The following ZNRF3 variants were observed in gnomAD, a reference collection of about 807,000 sequenced individuals.
ZNRF3 encodes the protein zinc and ring finger 3.
A neutral mutation model predicts 72.5 loss-of-function variants in ZNRF3; 23 were observed. The observed-to-expected ratio is 0.32, with a 90% confidence interval of 0.23 to 0.45. The LOEUF (loss-of-function observed/expected upper bound fraction) is 0.45. ZNRF3 is among the 20% of genes least tolerant of loss of function. The probability of loss-of-function intolerance (pLI) is 1.00; values close to 1 mark genes in which losing one functional copy is unlikely to be tolerated. For missense variants in ZNRF3, 1,169 were observed against 1,272.1 expected, an observed-to-expected ratio of 0.92 and a Z score of 1.23; for synonymous variants, 610 against 545.3, an observed-to-expected ratio of 1.12 and a Z score of -1.65.
At chr22:28,933,304 T>G (rs2034746195) in intron 1 of ZNRF3, among the ~76,000 whole-genome samples, 1 of 152,222 alleles carries the variant, frequency 6.6e-6, no homozygotes, top group South Asian at 2.1e-4. Flanking sequence ...AATTTAAGTT[T>G]GAGCAATGTG....
chr22:29,036,384 A>G (rs2036868324), intron 2 of ZNRF3, among the ~76,000 whole-genome samples: 1 of 152,200 alleles, frequency 6.6e-6, no homozygotes, highest in Non-Finnish European at 1.5e-5. Flanking sequence ...ACCTTGAAGG[A>G]TTAGTAATGT....
intron 2 of ZNRF3, among the ~76,000 whole-genome samples, chr22:28,998,960 C>CTTGATGCA (rs2036094169): frequency 6.6e-6 from 1 of 152,004 alleles, no homozygotes; most frequent in Non-Finnish European, 1.5e-5. Context: ...CAACAAGGGT[C>CTTGATGCA]ACAAATGAGG....
chr22:28,926,893 G>A (rs936158482), intron 1 of ZNRF3, among the ~76,000 whole-genome samples: 2 of 151,690 alleles, frequency 1.3e-5, no homozygotes, highest in African/African-American at 4.8e-5. Context: ...AGGCTGAGGC[G>A]GGAGGATCAC....
intron 1 of ZNRF3, among the ~76,000 whole-genome samples, chr22:28,934,511 A>G (rs1224968147): frequency 1.3e-5 from 2 of 152,330 alleles, no homozygotes; most frequent in African/African-American, 2.4e-5. Context: ...ATTAAAATCT[A>G]AACAGCGAAA....
At chr22:29,006,893 G>A (rs1385798657) in intron 2 of ZNRF3, among the ~76,000 whole-genome samples, 1 of 152,162 alleles carries the variant, frequency 6.6e-6, no homozygotes, top group African/African-American at 2.4e-5. Flanking sequence ...TCCCAAAGAT[G>A]CTTTTCTGTT....
intron 1 of ZNRF3, among the ~76,000 whole-genome samples, chr22:28,889,667 C>T (rs2033850870): frequency 2.0e-5 from 3 of 152,218 alleles, no homozygotes; most frequent in Admixed American, 6.5e-5. Flanking sequence ...CATCCATTGT[C>T]TATAATGAAT....
rs1357558078 is a variant in ZNRF3 at position 29,050,037 on chromosome 22, G to A, written c.1856G>A (p.Gly619Glu). The change falls in exon 8 of 9, where the codon GGA becomes GAA. Residue 619 changes from glycine to glutamate, a missense_variant. Coordinates refer to ENST00000544604, the MANE Select transcript of ZNRF3 (RefSeq NM_001206998.2). ...EAGGSGSSGR[G>E]PALCFEGSPP... ...GGGGGCTCGGGCAGCTCGGGCCGGG[G>A]ACCTGCCCTGTGCTTCGAGGGCTCC... The A allele has an allele frequency of 1.9e-6, 3 of 1,609,616 alleles. No homozygotes were observed. The highest frequency in any genetic ancestry group is 3.3e-5 in the Admixed American group (2 of 59,790).
At chr22:29,015,556 G>A (rs925849348) in intron 2 of ZNRF3, among the ~76,000 whole-genome samples, 3 of 151,838 alleles carry the variant, frequency 2.0e-5, no homozygotes, top group African/African-American at 7.3e-5. Flanking sequence ...TGTAGTCCCA[G>A]CTACTCAGGA....
At chr22:28,895,989 C>A (rs950840369) in intron 1 of ZNRF3, among the ~76,000 whole-genome samples, 91 of 152,090 alleles carry the variant, frequency 6.0e-4, no homozygotes, top group African/African-American at 2.0e-3. Context: ...CTTGCTCTGT[C>A]GGCCAGGCTG....
At chr22:28,964,652 G>T (rs1355978104) in intron 1 of ZNRF3, among the ~76,000 whole-genome samples, 1 of 152,236 alleles carries the variant, frequency 6.6e-6, no homozygotes, top group Non-Finnish European at 1.5e-5. Flanking sequence ...TCGTGAGACA[G>T]TGTCTCATCA....
intron 2 of ZNRF3, among the ~76,000 whole-genome samples, chr22:29,008,728 G>A (rs765637236): frequency 2.6e-5 from 4 of 152,286 alleles, no homozygotes; most frequent in South Asian, 4.1e-4. Context: ...TTTTTCACTG[G>A]TAAGACCAAC....
At chr22:28,965,838 C>G (rs1244849261) in intron 1 of ZNRF3, among the ~76,000 whole-genome samples, 1 of 152,100 alleles carries the variant, frequency 6.6e-6, no homozygotes, top group East Asian at 1.9e-4. Flanking sequence ...TACATTTAGC[C>G]AAATGCTGGA....
In ZNRF3 at chr22:29,053,665, G is replaced by C. The variant is rs1236365046; in HGVS notation, c.*43G>C. ...ACCTGGAAATTGGGAACTGTATGGAGACTCCAAACTGACTTCTTTCAAAAA... is the reference window on the plus strand; with the variant it reads ...ACCTGGAAATTGGGAACTGTATGGACACTCCAAACTGACTTCTTTCAAAAA... On this transcript the variant is annotated 3_prime_UTR_variant, in exon 9 of 9. Transcript: ENST00000544604. The C allele has an allele frequency of 4.4e-6, 7 of 1,573,794 alleles. No individual in the cohort carries two copies. Among genetic ancestry groups the C allele is most frequent in the Non-Finnish European group, 5.2e-6 (6 of 1,160,164 alleles).
At chr22:29,034,684 A>G (rs1372169128) in intron 2 of ZNRF3, among the ~76,000 whole-genome samples, 2 of 152,226 alleles carry the variant, frequency 1.3e-5, no homozygotes, top group African/African-American at 4.8e-5. Context: ...AAAGGCTACT[A>G]TAGAGATATG....
intron 1 of ZNRF3, among the ~76,000 whole-genome samples, chr22:28,893,864 G>T (rs1362893248): frequency 6.6e-6 from 1 of 152,130 alleles, no homozygotes; most frequent in Non-Finnish European, 1.5e-5. Flanking sequence ...AAACATTTTT[G>T]AGGCTTTTGC....
intron 2 of ZNRF3, chr22:29,018,100 C>G: frequency 1.9e-6 from 1 of 516,724 alleles, no homozygotes. Context: ...ACGGGCAGAC[C>G]GGATCCAAAC....
intron 1 of ZNRF3, among the ~76,000 whole-genome samples, chr22:28,889,109 C>T (rs2033842007): frequency 1.3e-5 from 2 of 150,400 alleles, no homozygotes; most frequent in Non-Finnish European, 3.0e-5. Context: ...AGCGAGACCC[C>T]GTCTCAAAAA....
chr22:28,890,317 G>A (rs2033861631), intron 1 of ZNRF3, among the ~76,000 whole-genome samples: 1 of 152,122 alleles, frequency 6.6e-6, no homozygotes, highest in South Asian at 2.1e-4. Context: ...TGGCTGACAC[G>A]GTGAAACCCT....
intron 1 of ZNRF3, among the ~76,000 whole-genome samples, chr22:28,985,938 A>G (rs149626272): frequency 3.9e-5 from 6 of 152,318 alleles, no homozygotes; most frequent in Non-Finnish European, 7.4e-5. Flanking sequence ...GTCAGCTTCT[A>G]GAGGCCATCG....
Sources: allele counts gnomAD v4.1 joint callset (sites outside exome capture counted in the v4.1 genomes callset), GRCh38; gene constraint gnomAD v4.1.1; transcripts MANE v1.5; gene names NCBI Gene and HGNC (gene_info 2026-07-23, HGNC 2026-07-21).